Variants in BORCS5 observed in about 807,000 individuals in gnomAD.
BORCS5 encodes BLOC-1-related complex subunit 5.
A neutral mutation model predicts 22.1 loss-of-function variants in BORCS5; 17 were observed. The observed-to-expected ratio is 0.77, with a 90% CI of 0.53 to 1.15. The LOEUF is 1.15. BORCS5 is among the 50% of genes most tolerant of loss of function. The pLI, the probability that BORCS5 is intolerant of heterozygous loss-of-function variation, is 0.00. For missense variants in BORCS5, 247 were observed against 253.2 expected, an observed-to-expected ratio of 0.98 and a Z score of 0.17; for synonymous variants, 117 against 99.8, an observed-to-expected ratio of 1.17 and a Z score of -1.03.
chr12:12,422,084 C>G (rs1942142554), intron 2 of BORCS5, among the ~76,000 whole-genome samples: 1 of 151,860 alleles, frequency 6.6e-6, no homozygotes, highest in Non-Finnish European at 1.5e-5. Context: ...TATTTCTTGC[C>G]TTCTGCTAGC....
chr12:12,432,305 G>A (rs773424221), intron 2 of BORCS5, among the ~76,000 whole-genome samples: 1 of 151,798 alleles, frequency 6.6e-6, no homozygotes, highest in African/African-American at 2.4e-5. Flanking sequence ...TTTCAATTTC[G>A]GATTGACAGC....
intron 3 of BORCS5, among the ~76,000 whole-genome samples, chr12:12,443,761 C>T: frequency 6.6e-6 from 1 of 152,228 alleles, no homozygotes; most frequent in East Asian, 1.9e-4. Flanking sequence ...AACAGCAGCC[C>T]CATTTCCCCC....
At chr12:12,382,356 C>T (rs915018190) in intron 2 of BORCS5, among the ~76,000 whole-genome samples, 4 of 150,924 alleles carry the variant, frequency 2.7e-5, no homozygotes, top group African/African-American at 2.4e-5. Flanking sequence ...GAGACTTGCT[C>T]GGTACTACAG....
At chr12:12,414,372 T>A in intron 2 of BORCS5, among the ~76,000 whole-genome samples, 1 of 63,012 alleles carries the variant, frequency 1.6e-5, no homozygotes, top group Non-Finnish European at 3.2e-5. Context: ...GGGTGGCTGG[T>A]CAGGCGGGGG....
At chr12:12,368,767 G>T (rs1166023813) in intron 2 of BORCS5, among the ~76,000 whole-genome samples, 1 of 152,002 alleles carries the variant, frequency 6.6e-6, no homozygotes, top group African/African-American at 2.4e-5. Flanking sequence ...TGTTCTGTTT[G>T]TCCATCATCT....
At chr12:12,434,950 G>A (rs967390140) in intron 2 of BORCS5, among the ~76,000 whole-genome samples, 2 of 152,154 alleles carry the variant, frequency 1.3e-5, no homozygotes, top group African/African-American at 4.8e-5. Context: ...CTCTTCAATT[G>A]ATTTCTTCTC....
intron 3 of BORCS5, among the ~76,000 whole-genome samples, chr12:12,454,971 T>C (rs961074495): frequency 7.2e-5 from 11 of 152,342 alleles, no homozygotes; most frequent in African/African-American, 2.6e-4. Context: ...AATGAATTAT[T>C]AGTGATGTCA....
intron 2 of BORCS5, among the ~76,000 whole-genome samples, chr12:12,377,176 CTT>C (rs34400274): frequency 1.1e-4 from 15 of 140,006 alleles, no homozygotes; most frequent in Non-Finnish European, 1.4e-4. Flanking sequence ...AGATTTTGTC[CTT>C]TTTTTTTTTT....
intron 2 of BORCS5, among the ~76,000 whole-genome samples, chr12:12,431,000 G>C (rs950504492): frequency 6.6e-6 from 1 of 152,130 alleles, no homozygotes; most frequent in African/African-American, 2.4e-5. Context: ...GGTGTTTGCT[G>C]ACCTTTGCTG....
At chr12:12,461,896 C>G (rs538285531) in intron 3 of BORCS5, among the ~76,000 whole-genome samples, 1 of 152,280 alleles carries the variant, frequency 6.6e-6, no homozygotes, top group African/African-American at 2.4e-5. Context: ...TGTTCACTTT[C>G]TATTTGAAAA....
chr12:12,391,858 C>T (rs1357345060), intron 2 of BORCS5, among the ~76,000 whole-genome samples: 2 of 123,062 alleles, frequency 1.6e-5, no homozygotes, highest in Non-Finnish European at 3.5e-5. Context: ...ATGGTGAAAC[C>T]CCGTCACTAA....
intron 3 of BORCS5, 56 bp downstream of exon 3, chr12:12,435,841 T>G: frequency 6.5e-7 from 1 of 1,537,196 alleles, no homozygotes; most frequent in African/African-American, 1.4e-5. Context: ...TCTCTGCAAC[T>G]CTGGATGCCA....
chr12:12,469,788 A>T lies in BORCS5; in HGVS notation c.*4012A>T, dbSNP rs2136172282. 6.6e-6 allele frequency: 1 copy of T among 152,380 alleles called. No individual in the cohort carries two copies. Among genetic ancestry groups the T allele is most frequent in the Admixed American group, 6.5e-5 (1 of 15,310 alleles). The allele number at this position is 152,380 out of a possible 1,614,324, so 9.4% of individuals were successfully genotyped here. A position where few individuals can be genotyped will look rare whatever the true frequency, so the allele number is the denominator to read the frequency against. Reference sequence around the variant, plus strand: ...TCAAAATGTTGATACTCAAGATTGAAGGATGGATTAGGGAGAAATGAAAAC... The same window carrying T: ...TCAAAATGTTGATACTCAAGATTGATGGATGGATTAGGGAGAAATGAAAAC... On this transcript the variant is annotated 3_prime_UTR_variant, in exon 4 of 4. Coordinates refer to ENST00000314565, the MANE Select transcript of BORCS5 (RefSeq NM_058169.6).
chr12:12,457,014 T>G lies in BORCS5; in HGVS notation c.361-8532T>G, dbSNP rs78037246. Among the ~76,000 whole-genome samples, 10 of 152,258 alleles carry G rather than the reference T, an allele frequency of 6.6e-5. No individual in the cohort carries two copies. In the East Asian group the frequency reaches 1.9e-3, roughly 29 times the overall value. Reference sequence around the variant, plus strand: ...CACAAAATGTCATTCGGTTTTTTATTCTGCTTTCATGTACTACATTTCTTA... The same window carrying G: ...CACAAAATGTCATTCGGTTTTTTATGCTGCTTTCATGTACTACATTTCTTA... On this transcript the variant is annotated intron_variant, in intron 3 of 3. Coordinates refer to ENST00000314565, the MANE Select transcript of BORCS5 (RefSeq NM_058169.6).
At chr12:12,416,268 A>G (rs1941951490) in intron 2 of BORCS5, among the ~76,000 whole-genome samples, 1 of 151,926 alleles carries the variant, frequency 6.6e-6, no homozygotes, top group African/African-American at 2.4e-5. Flanking sequence ...CTTTTTAAAG[A>G]ATCAACTTTT....
rs761925625 is a variant in BORCS5 at position 12,465,782 on chromosome 12, G to A, written c.*6G>A. ...ACCGCGAGCTCAGGCTGTAGCTGCT[G>A]CCCGGCCTGCCTGGGGCTGGGAGCC... is the stretch of plus-strand genomic sequence containing the variant. On this transcript the variant is annotated 3_prime_UTR_variant, in exon 4 of 4. Coordinates refer to ENST00000314565, the MANE Select transcript of BORCS5 (RefSeq NM_058169.6). 1.2e-5 allele frequency: 20 copies of A among 1,605,782 alleles called. No homozygotes were observed. The highest frequency in any genetic ancestry group is 2.2e-5 in the East Asian group (1 of 44,758).
intron 2 of BORCS5, among the ~76,000 whole-genome samples, chr12:12,423,440 T>C (rs919597466): frequency 1.4e-4 from 15 of 105,658 alleles, no homozygotes; most frequent in African/African-American, 3.9e-4. Flanking sequence ...TCCCTCAGCT[T>C]TTTTTTTTTT....
At chr12:12,430,280 A>G (rs1333720118) in intron 2 of BORCS5, among the ~76,000 whole-genome samples, 1 of 150,820 alleles carries the variant, frequency 6.6e-6, no homozygotes, top group East Asian at 1.9e-4. Context: ...CCTCCCGAGT[A>G]GCTGGGACTA....
chr12:12,371,606 A>G (rs1224910145), intron 2 of BORCS5, among the ~76,000 whole-genome samples: 1 of 152,120 alleles, frequency 6.6e-6, no homozygotes, highest in Non-Finnish European at 1.5e-5. Flanking sequence ...TATTTTCTAT[A>G]TATTGAAAAT....
Sources: allele counts gnomAD v4.1 joint callset (sites outside exome capture counted in the v4.1 genomes callset), GRCh38; gene constraint gnomAD v4.1.1; transcripts MANE v1.5; gene names NCBI Gene and HGNC (gene_info 2026-07-23, HGNC 2026-07-21).